The following NBEA variants were observed in gnomAD, a reference collection of about 807,000 sequenced individuals.
The protein encoded by NBEA is lysosomal-trafficking regulator 2.
In NBEA, 44 loss-of-function variants were observed where a neutral mutation model predicts 343.4. The observed-to-expected ratio is 0.13, with a 90% CI of 0.10 to 0.16. The LOEUF (loss-of-function observed/expected upper bound fraction) is 0.16. Among genes scored for constraint, NBEA ranks in the 10% least tolerant of loss-of-function variants. The probability of loss-of-function intolerance (pLI) is 1.00; values close to 1 mark genes in which losing one functional copy is unlikely to be tolerated. For synonymous variants in NBEA, 1,175 were observed against 1,238.7 expected (o/e 0.95, Z 1.08); for missense variants, 2,555 against 3,631.3 (o/e 0.70, Z 7.62).
chr13:35,297,351 T>C (rs1468382732), intron 35 of NBEA, among the ~76,000 whole-genome samples: 2 of 152,054 alleles, frequency 1.3e-5, no homozygotes, highest in East Asian at 1.9e-4. Context: ...TGTTTATATG[T>C]TTTAATTGGA....
chr13:35,462,781 C>T (rs1237616531), intron 40 of NBEA, among the ~76,000 whole-genome samples: 1 of 151,490 alleles, frequency 6.6e-6, no homozygotes, highest in Admixed American at 6.6e-5. Flanking sequence ...GGGACAGCTA[C>T]CAAAAAGAAA....
chr13:35,194,459 TG>T, intron 30 of NBEA, among the ~76,000 whole-genome samples: 1 of 152,244 alleles, frequency 6.6e-6, no homozygotes, highest in African/African-American at 2.4e-5. Flanking sequence ...TAGAATTTAC[TG>T]ATTTTCAATT....
chr13:35,308,662 A>G (rs1401510078), intron 35 of NBEA, among the ~76,000 whole-genome samples: 1 of 145,306 alleles, frequency 6.9e-6, no homozygotes, highest in African/African-American at 2.5e-5. Context: ...AAAACCCCAT[A>G]TATATATTTA....
At position 34,942,645 on chromosome 13, in the gene NBEA, G is replaced by A. The variant is rs977081029; in HGVS notation, c.-176G>A. On this transcript the variant is annotated 5_prime_UTR_variant, in exon 1 of 59. Transcript: ENST00000379939. Reference sequence around the variant, plus strand: ...TGCGGATCCCCCGCCGCCTCCGCGGGGGAGAGCGCCGGAGCGGGCCGGGCT... The same window carrying A: ...TGCGGATCCCCCGCCGCCTCCGCGGAGGAGAGCGCCGGAGCGGGCCGGGCT... 4.9e-5 allele frequency: 18 copies of A among 365,298 alleles called. No homozygotes were observed. The East Asian group carries it at 8.0e-4, about 16-fold the overall frequency. 22.6% of individuals were successfully genotyped at this position (365,298 alleles called of 1,614,324 possible). A position where few individuals can be genotyped will look rare whatever the true frequency, so the allele number is the denominator to read the frequency against.
In NBEA at chr13:35,142,385, TA is replaced by T. The variant is rs1394734845; in HGVS notation, c.2445+14del. ...TACAACACACTTTATGAGGTAAAAATAAAAAATGTGTGATGAAAGTTTTAAG... is the reference window on the plus strand; with the variant it reads ...TACAACACACTTTATGAGGTAAAAATAAAAATGTGTGATGAAAGTTTTAAG... On this transcript the variant is annotated intron_variant, in intron 18 of 58. Coordinates refer to ENST00000379939, the MANE Select transcript of NBEA (RefSeq NM_001385012.1). The T allele has an allele frequency of 1.7e-5, 27 of 1,598,584 alleles. No homozygotes were observed. Among genetic ancestry groups the T allele is most frequent in the Non-Finnish European group, 2.3e-5 (27 of 1,167,580 alleles).
At chr13:35,405,154 A>C (rs1444364140) in intron 38 of NBEA, among the ~76,000 whole-genome samples, 2 of 152,194 alleles carry the variant, frequency 1.3e-5, no homozygotes, top group Non-Finnish European at 2.9e-5. Flanking sequence ...ATATTGTTGT[A>C]GAAATAGAAA....
intron 35 of NBEA, among the ~76,000 whole-genome samples, chr13:35,306,081 G>A (rs1230637156): frequency 6.6e-6 from 1 of 152,120 alleles, no homozygotes; most frequent in East Asian, 1.9e-4. Context: ...CAGGCAGAAA[G>A]CAGGATAGAC....
At position 35,331,291 on chromosome 13, in the gene NBEA, G is replaced by C. The variant is rs932234683; in HGVS notation, c.5904-17817G>C. Among the ~76,000 whole-genome samples, 13 of 151,848 alleles carry C rather than the reference G, an allele frequency of 8.6e-5. No homozygotes were observed. In the East Asian group the frequency reaches 2.5e-3, roughly 30 times the overall value. On this transcript the variant is annotated intron_variant, in intron 36 of 58. Transcript: ENST00000379939. Reference sequence around the variant, plus strand: ...AATCAAAGTCTGTCTTCTTCACTAAGTAAATCAGGATCTTAAAATCTAATC... The same window carrying C: ...AATCAAAGTCTGTCTTCTTCACTAACTAAATCAGGATCTTAAAATCTAATC...
intron 1 of NBEA, among the ~76,000 whole-genome samples, chr13:34,995,171 G>T (rs73167727): frequency 0.014 from 2,100 of 152,290 alleles, 16 homozygotes; most frequent in Middle Eastern, 0.027. Flanking sequence ...AGGAAAAACT[G>T]GCTGGGTGTG....
intron 36 of NBEA, among the ~76,000 whole-genome samples, chr13:35,348,687 T>A (rs2040012327): frequency 6.6e-6 from 1 of 152,028 alleles, no homozygotes; most frequent in South Asian, 2.1e-4. Context: ...TTTTTAAAAA[T>A]TTTATTGAGG....
At chr13:35,073,231 T>A (rs992240822) in intron 10 of NBEA, among the ~76,000 whole-genome samples, 2 of 152,210 alleles carry the variant, frequency 1.3e-5, no homozygotes, top group African/African-American at 2.4e-5. Context: ...TATGGCTATA[T>A]CATCAGTTCA....
intron 33 of NBEA, among the ~76,000 whole-genome samples, chr13:35,223,905 G>A (rs925045216): frequency 2.0e-5 from 3 of 152,140 alleles, no homozygotes; most frequent in Non-Finnish European, 4.4e-5. Flanking sequence ...TGGAGACTCT[G>A]TTAGAAAATG....
chr13:35,381,870 G>A (rs1305778600), intron 38 of NBEA, among the ~76,000 whole-genome samples: 4 of 151,864 alleles, frequency 2.6e-5, no homozygotes, highest in Admixed American at 2.6e-4. Context: ...TTATTATACC[G>A]GTGTTGCTTT....
At chr13:35,253,565 A>G (rs1216269473) in intron 34 of NBEA, among the ~76,000 whole-genome samples, 2 of 152,168 alleles carry the variant, frequency 1.3e-5, no homozygotes, top group African/African-American at 4.8e-5. Context: ...TATTTTTAAA[A>G]CTGTGTGTTG....
chr13:35,113,661 A>ACTC (rs2066345085), intron 13 of NBEA, among the ~76,000 whole-genome samples: 2 of 151,772 alleles, frequency 1.3e-5, no homozygotes, highest in South Asian at 2.1e-4. Context: ...ATCAGTATGG[A>ACTC]CTCATGTATT....
chr13:35,125,830 A>C (rs896745100), intron 17 of NBEA, among the ~76,000 whole-genome samples: 7 of 151,298 alleles, frequency 4.6e-5, no homozygotes, highest in Admixed American at 4.6e-4. Flanking sequence ...AAATGCATAC[A>C]TACATACATA....
intron 48 of NBEA, among the ~76,000 whole-genome samples, chr13:35,614,658 G>A (rs555379739): frequency 3.6e-4 from 55 of 152,332 alleles, no homozygotes; most frequent in African/African-American, 1.2e-3. Flanking sequence ...ATCAACAGAT[G>A]AAGTGACAAA....
At chr13:35,423,126 G>T (rs748701531) in intron 38 of NBEA, among the ~76,000 whole-genome samples, 372 of 152,118 alleles carry the variant, frequency 2.4e-3, no homozygotes, top group Non-Finnish European at 4.6e-3. Flanking sequence ...GTAGTTTCTT[G>T]TGCTGTGCAG....
At chr13:35,539,891 G>A (rs1594919997) in intron 41 of NBEA, among the ~76,000 whole-genome samples, 1 of 119,228 alleles carries the variant, frequency 8.4e-6, no homozygotes, top group East Asian at 2.6e-4. Flanking sequence ...ACTCCAGCCT[G>A]GGCGACAGAG....
Sources: gnomAD v4.1 joint callset for allele counts (sites outside exome capture counted in the v4.1 genomes callset) on GRCh38, gnomAD v4.1.1 for gene constraint, MANE v1.5 for transcripts, NCBI Gene and HGNC (gene_info 2026-07-23, HGNC 2026-07-21) for gene names.